The following DPP6 variants were observed in gnomAD, a reference collection of about 807,000 sequenced individuals.
DPP6 encodes A-type potassium channel modulatory protein DPP6.
In DPP6, 69 loss-of-function variants were observed where a neutral mutation model predicts 122.6. That is an observed-to-expected ratio of 0.56 (90% CI 0.46 to 0.69). The LOEUF (loss-of-function observed/expected upper bound fraction) is 0.69. Ranked by LOEUF, DPP6 falls within the 30% of genes least tolerant of loss-of-function variation. The probability of loss-of-function intolerance (pLI) is 0.00; values close to 1 mark genes in which losing one functional copy is unlikely to be tolerated. For missense variants in DPP6, 928 were observed against 1,116.9 expected (o/e 0.83, Z 2.41); for synonymous variants, 418 against 433.1 (o/e 0.97, Z 0.43).
At chr7:154,289,701 G>A (rs1404805110) in intron 1 of DPP6, among the ~76,000 whole-genome samples, 1 of 152,118 alleles carries the variant, frequency 6.6e-6, no homozygotes, top group Non-Finnish European at 1.5e-5. Flanking sequence ...ACCTAGGCAG[G>A]ACCACCTTCT....
intron 1 of DPP6, among the ~76,000 whole-genome samples, chr7:154,022,920 G>T (rs1004620733): frequency 6.6e-6 from 1 of 152,196 alleles, no homozygotes. Flanking sequence ...TTTGCATGTG[G>T]CTTGTGGTTT....
rs1828046547 is a variant in DPP6, at chr7:154,534,001, A to C, written c.458-6531A>C. 2.6e-5 allele frequency among the ~76,000 whole-genome samples: 4 copies of C among 152,012 alleles called. No homozygotes were observed. The South Asian group carries it at 8.3e-4, about 32-fold the overall frequency. ...TAACAGAGCAAGACCCTGTCTCAAA[A>C]AAAAAAAATCAATACTATATAAAAC... is the stretch of plus-strand genomic sequence containing the variant. On this transcript the variant is annotated intron_variant, in intron 3 of 25. Coordinates refer to ENST00000377770, the MANE Select transcript of DPP6 (RefSeq NM_130797.4).
intron 2 of DPP6, among the ~76,000 whole-genome samples, chr7:154,474,244 A>T (rs551359741): frequency 6.6e-6 from 1 of 152,358 alleles, no homozygotes; most frequent in East Asian, 1.9e-4. Flanking sequence ...AATACAGGAT[A>T]AAAGCTCTCA....
chr7:154,432,931 A>G (rs775606303), intron 1 of DPP6, among the ~76,000 whole-genome samples: 1 of 152,162 alleles, frequency 6.6e-6, no homozygotes, highest in Admixed American at 6.5e-5. Flanking sequence ...AAGACAGCCA[A>G]TCAGAATCTT....
At chr7:154,793,907 G>C (rs1315945441) in intron 10 of DPP6, 172 bp from the exon 11 acceptor site, 1 of 1,052,164 alleles carries the variant, frequency 9.5e-7, no homozygotes, top group East Asian at 2.8e-5. Context: ...AGAGTCCCGC[G>C]CCAGTGCAGA....
chr7:154,014,305 G>A (rs1385287114), intron 1 of DPP6, among the ~76,000 whole-genome samples: 1 of 142,790 alleles, frequency 7.0e-6, no homozygotes, highest in Non-Finnish European at 1.5e-5. Context: ...ATTTATACTA[G>A]CATAAGGCCA....
intron 3 of DPP6, among the ~76,000 whole-genome samples, chr7:154,518,076 C>T (rs1390611123): frequency 6.6e-6 from 1 of 152,138 alleles, no homozygotes; most frequent in Non-Finnish European, 1.5e-5. Flanking sequence ...AATGAATGCT[C>T]CTTCACTCGT....
intron 8 of DPP6, among the ~76,000 whole-genome samples, chr7:154,732,316 G>T (rs1004839045): frequency 6.6e-6 from 1 of 152,262 alleles, no homozygotes; most frequent in South Asian, 2.1e-4. Flanking sequence ...GGACAGCACA[G>T]AATTTTTGGC....
chr7:153,782,071 A>G, the DPP6 span, among the ~76,000 whole-genome samples: 1 of 150,282 alleles, frequency 6.7e-6, no homozygotes, highest in Non-Finnish European at 1.5e-5. Context: ...TGTGGTAGAC[A>G]CCATGGTTTT....
At chr7:154,109,539 G>A (rs1232369063) in intron 1 of DPP6, among the ~76,000 whole-genome samples, 1 of 152,122 alleles carries the variant, frequency 6.6e-6, no homozygotes, top group African/African-American at 2.4e-5. Context: ...TGATCCACCC[G>A]CCTCAGCCTC....
chr7:154,303,630 C>A (rs905037162), intron 1 of DPP6, among the ~76,000 whole-genome samples: 3 of 152,138 alleles, frequency 2.0e-5, no homozygotes, highest in Non-Finnish European at 4.4e-5. Flanking sequence ...CCTCCCTGTC[C>A]CATGCAGGAG....
chr7:153,824,950 C>A, the DPP6 span, among the ~76,000 whole-genome samples: 1 of 152,156 alleles, frequency 6.6e-6, no homozygotes, highest in Non-Finnish European at 1.5e-5. Context: ...TTTGCCTTCT[C>A]TCAGTCCACA....
intron 17 of DPP6, among the ~76,000 whole-genome samples, chr7:154,856,494 T>C (rs1432638954): frequency 6.6e-6 from 1 of 152,208 alleles, no homozygotes; most frequent in African/African-American, 2.4e-5. Flanking sequence ...TAAGGTAATC[T>C]ATAGGTGGGC....
chr7:153,943,040 C>T (rs750827240), intron 1 of DPP6, among the ~76,000 whole-genome samples: 7 of 152,288 alleles, frequency 4.6e-5, no homozygotes, highest in South Asian at 2.1e-4. Context: ...TCCCTAGATT[C>T]GCCTTTCCAT....
intron 10 of DPP6, among the ~76,000 whole-genome samples, chr7:154,779,310 C>T (rs541292766): frequency 4.0e-4 from 60 of 148,886 alleles, no homozygotes; most frequent in Admixed American, 1.3e-3. Context: ...ACCACCACCC[C>T]CACCATCGCC....
chr7:153,846,794 G>T, the DPP6 span, among the ~76,000 whole-genome samples: 2 of 145,364 alleles, frequency 1.4e-5, no homozygotes, highest in Non-Finnish European at 3.0e-5. Context: ...CTGGGTTCAC[G>T]CCATTCTCCT....
chr7:154,511,137 G>A (rs781747895), intron 3 of DPP6, among the ~76,000 whole-genome samples: 2 of 152,172 alleles, frequency 1.3e-5, no homozygotes, highest in African/African-American at 2.4e-5. Flanking sequence ...GATTGTTCAG[G>A]AAATAGTGAG....
chr7:154,562,130 A>G (rs905073453), intron 4 of DPP6, among the ~76,000 whole-genome samples: 2 of 152,174 alleles, frequency 1.3e-5, no homozygotes. Context: ...AACCAAACAA[A>G]GAAGTTAAAA....
At chr7:154,409,117 CTG>C (rs1203340566) in intron 1 of DPP6, among the ~76,000 whole-genome samples, 3 of 152,188 alleles carry the variant, frequency 2.0e-5, no homozygotes, top group Non-Finnish European at 4.4e-5. Context: ...ACACTCTAGT[CTG>C]GGTGACAGAG....
Sources: allele counts gnomAD v4.1 joint callset (sites outside exome capture counted in the v4.1 genomes callset), GRCh38; gene constraint gnomAD v4.1.1; transcripts MANE v1.5; gene names NCBI Gene and HGNC (gene_info 2026-07-23, HGNC 2026-07-21).